Variants in RBM41 observed in about 807,000 individuals in gnomAD.
RBM41 encodes RNA binding motif protein 41, also known as RNA-binding protein 41.
In RBM41, 14 loss-of-function variants were observed where a neutral mutation model predicts 30.8. That is an observed-to-expected ratio of 0.45 (90% confidence interval 0.30 to 0.71). RBM41 has a LOEUF of 0.71. Ranked by LOEUF, RBM41 falls within the 30% of genes least tolerant of loss-of-function variation. RBM41 has a pLI of 0.08. For missense variants in RBM41, 276 were observed against 326.3 expected, an observed-to-expected ratio of 0.85 and a Z score of 1.19; for synonymous variants, 120 against 110.1, an observed-to-expected ratio of 1.09 and a Z score of -0.56.
intron 6 of RBM41, among the ~76,000 whole-genome samples, chrX:107,078,015 T>A: frequency 9.0e-6 from 1 of 111,728 alleles, no homozygotes; most frequent in East Asian, 2.8e-4. Context: ...TTAGATTTCC[T>A]TAGTTTTTAC....
chrX:107,103,284 G>A, intron 5 of RBM41, among the ~76,000 whole-genome samples: 1 of 111,118 alleles, frequency 9.0e-6, no homozygotes, highest in Non-Finnish European at 1.9e-5. Context: ...TTAAGATGAA[G>A]TAATACTAGA....
At chrX:107,077,449 A>T (rs1221276550) in intron 6 of RBM41, among the ~76,000 whole-genome samples, 1 of 110,786 alleles carries the variant, frequency 9.0e-6, no homozygotes, top group African/African-American at 3.3e-5. Flanking sequence ...AATAATTTTT[A>T]AAAATAAAGA....
chrX:107,087,210 G>C (rs768060064), intron 6 of RBM41, among the ~76,000 whole-genome samples: 75 of 111,082 alleles, frequency 6.8e-4, no homozygotes, highest in Non-Finnish European at 1.2e-3. Flanking sequence ...AATAAAGGTT[G>C]GCTGGCTACA....
At chrX:107,074,469 C>T (rs1196847549) in intron 6 of RBM41, among the ~76,000 whole-genome samples, 1 of 110,399 alleles carries the variant, frequency 9.1e-6, no homozygotes, top group Non-Finnish European at 1.9e-5. Flanking sequence ...TTAATTATAC[C>T]ATTTTATTAT....
chrX:107,089,289 C>G (rs1356496698), intron 5 of RBM41, among the ~76,000 whole-genome samples: 2 of 111,619 alleles, frequency 1.8e-5, no homozygotes, highest in Non-Finnish European at 3.8e-5. Flanking sequence ...TAAAACAGTG[C>G]CTCGTCTCTC....
chrX:107,061,825 A>G (rs1374045392), downstream of RBM41, among the ~76,000 whole-genome samples: 1 of 111,883 alleles, frequency 8.9e-6, no homozygotes. Context: ...TAAGTTTTCA[A>G]CTGTAATCAA....
At chrX:107,097,988 C>T (rs1436690678) in intron 5 of RBM41, among the ~76,000 whole-genome samples, 2 of 111,612 alleles carry the variant, frequency 1.8e-5, no homozygotes, top group Non-Finnish European at 3.8e-5. Flanking sequence ...TAGCACAATT[C>T]TATAAATTTA....
chrX:107,107,102 T>C (rs1006492016), intron 5 of RBM41, among the ~76,000 whole-genome samples: 1 of 111,881 alleles, frequency 8.9e-6, no homozygotes, highest in Non-Finnish European at 1.9e-5. Flanking sequence ...TCATTTTCTT[T>C]AGATAGTTCA....
chrX:107,052,621 G>A, the RBM41 span, among the ~76,000 whole-genome samples: 6 of 111,481 alleles, frequency 5.4e-5, no homozygotes, highest in Non-Finnish European at 7.5e-5. Flanking sequence ...CTGGTCCAGG[G>A]GTCCGTGGTA....
chrX:107,098,195 A>T (rs1335663878), intron 5 of RBM41, among the ~76,000 whole-genome samples: 1 of 112,075 alleles, frequency 8.9e-6, no homozygotes, highest in African/African-American at 3.2e-5. Context: ...ACATTTGAAG[A>T]TTTGAAGACT....
rs771909128 is a variant in RBM41, at chrX:107,069,362, C to T, written c.1040G>A (p.Arg347Lys). 3 of 1,206,951 alleles carry T rather than the reference C, an allele frequency of 2.5e-6. No homozygotes were observed. Among genetic ancestry groups the T allele is most frequent in the Non-Finnish European group, 3.4e-6 (3 of 891,994 alleles). ...LKNLSPRVTERDLVSLFARFQ... is the reference protein window; with the variant it reads ...LKNLSPRVTEKDLVSLFARFQ... Reference sequence around the variant, plus strand: ...CCGAGCGAACAATGACACAAGATCTCTTTCAGTCACCCGAGGGCTAAGGTT... The same window carrying T: ...CCGAGCGAACAATGACACAAGATCTTTTTCAGTCACCCGAGGGCTAAGGTT... The change falls in exon 7 of 8, where the codon AGA (arginine) becomes AAA (lysine). Residue 347 changes from arginine to lysine, a missense_variant. Coordinates refer to ENST00000685964, the MANE Select transcript of RBM41 (RefSeq NM_001324242.2).
the RBM41 span, among the ~76,000 whole-genome samples, chrX:107,056,631 T>C: frequency 9.0e-6 from 1 of 111,723 alleles, no homozygotes; most frequent in Non-Finnish European, 1.9e-5. Context: ...AATTTGTCCA[T>C]TTCATCCAGG....
intron 6 of RBM41, chrX:107,070,365 A>G (rs1439365114): frequency 3.0e-6 from 1 of 330,992 alleles, no homozygotes; most frequent in East Asian, 9.7e-5. Flanking sequence ...GGCTCCTAGA[A>G]CGCTGGTAGT....
At chrX:107,113,564 G>A (rs1293541321) in intron 4 of RBM41, 96 bp from the exon 5 acceptor site, 10 of 931,714 alleles carry the variant, frequency 1.1e-5, no homozygotes, top group Non-Finnish European at 1.4e-5. Flanking sequence ...ACTGCTTTAA[G>A]TGATTTACAT....
chrX:107,068,013 T>C (rs1463824353), intron 7 of RBM41, among the ~76,000 whole-genome samples: 1 of 111,871 alleles, frequency 8.9e-6, no homozygotes, highest in Non-Finnish European at 1.9e-5. Flanking sequence ...GTCTCTATCT[T>C]AGGTAACAGA....
chrX:107,118,762 T>C lies in RBM41; in HGVS notation c.8+4A>G, dbSNP rs1048331220. 4.1e-6 allele frequency: 5 copies of C among 1,210,064 alleles called. No homozygotes were observed. The African/African-American group carries it at 5.2e-5, about 13-fold the overall frequency. ...TGCCGCCTGCTCTTCAGACAAGTCCTTACCTCTTCATGTTTCCACAGGCCC... is the reference window on the plus strand; with the variant it reads ...TGCCGCCTGCTCTTCAGACAAGTCCCTACCTCTTCATGTTTCCACAGGCCC... On this transcript the variant is annotated splice_donor_region_variant and intron_variant, in intron 1 of 7. Coordinates refer to ENST00000685964, the MANE Select transcript of RBM41 (RefSeq NM_001324242.2).
chrX:107,114,836 T>C, intron 4 of RBM41: 1 of 116,616 alleles, frequency 8.6e-6, no homozygotes, highest in Non-Finnish European at 1.8e-5. Flanking sequence ...TATTTATCTA[T>C]ATATTTTGTG....
rs185856723 is a variant in RBM41, at chrX:107,067,081, T to C, written c.*446A>G. 1.1e-5 allele frequency: 8 copies of C among 751,223 alleles called. No homozygotes were observed. The highest frequency in any genetic ancestry group is 1.3e-5 in the Non-Finnish European group (8 of 638,047). 61.9% of individuals were successfully genotyped at this position (751,223 alleles called of 1,213,427 possible). The stretch of plus-strand genomic sequence containing the variant: ...TGTTGATGCTTAGGCCTGGGGGTCC[T>C]ACTCTTTTATTTACTAGGTGGATGA... On this transcript the variant is annotated 3_prime_UTR_variant, in exon 8 of 8. Coordinates refer to ENST00000685964, the MANE Select transcript of RBM41 (RefSeq NM_001324242.2).
chrX:107,110,409 T>C (rs1389984854), intron 5 of RBM41, among the ~76,000 whole-genome samples: 1 of 111,428 alleles, frequency 9.0e-6, no homozygotes, highest in Non-Finnish European at 1.9e-5. Flanking sequence ...AAAAGACTTA[T>C]ACACTGAAAA....
Sources: allele counts gnomAD v4.1 joint callset (sites outside exome capture counted in the v4.1 genomes callset), GRCh38; gene constraint gnomAD v4.1.1; transcripts MANE v1.5; gene names NCBI Gene and HGNC (gene_info 2026-07-23, HGNC 2026-07-21).